DPP3: variants seen among roughly 807,000 people sequenced by gnomAD.
The protein encoded by DPP3 is DPP III.
Under a neutral mutation model 89.8 loss-of-function variants are expected in DPP3, and 64 were observed. That is an observed-to-expected ratio of 0.71 (90% confidence interval 0.58 to 0.88). The LOEUF (loss-of-function observed/expected upper bound fraction) is 0.88, where lower values mean the gene tolerates loss of function less well. Among genes scored for constraint, DPP3 ranks in the 40% least tolerant of loss-of-function variants. The pLI is 0.00. For missense variants in DPP3, 835 were observed against 972.5 expected (o/e 0.86, Z 1.88); for synonymous variants, 377 against 404.3 (o/e 0.93, Z 0.81).
chr11:66,485,912 A>ATT (rs374136044), intron 3 of DPP3, among the ~76,000 whole-genome samples: 306 of 144,474 alleles, frequency 2.1e-3, no homozygotes, highest in Non-Finnish European at 3.2e-3. Context: ...CACCAGCTAA[A>ATT]TTTTCTTTTC....
At chr11:66,499,076 C>G (rs540340963) in intron 16 of DPP3, among the ~76,000 whole-genome samples, 39 of 152,116 alleles carry the variant, frequency 2.6e-4, no homozygotes, top group Non-Finnish European at 5.6e-4. Context: ...AAGTCTTACA[C>G]TAGGTGCTGG....
intron 1 of DPP3, 140 bp downstream of exon 1, chr11:66,480,605 A>T: frequency 9.8e-7 from 1 of 1,016,908 alleles, no homozygotes; most frequent in East Asian, 3.3e-5. Context: ...CTCGAGGCCA[A>T]GGAGTGCTCC....
In DPP3 at chr11:66,487,248, T is replaced by A; in HGVS notation, c.499-20T>A. Reference sequence around the variant, plus strand: ...ACCTTGGCAACTCCTCTTTCTCATGTCCCCTGTCTTCCCCAACAGGGAATC... The same window carrying A: ...ACCTTGGCAACTCCTCTTTCTCATGACCCCTGTCTTCCCCAACAGGGAATC... On this transcript the variant is annotated intron_variant, in intron 4 of 17. Coordinates refer to ENST00000531863, the MANE Select transcript of DPP3 (RefSeq NM_130443.4). 1 of 1,613,026 alleles carries A rather than the reference T, an allele frequency of 6.2e-7. No homozygotes were observed. The highest frequency in any genetic ancestry group is 8.5e-7 in the Non-Finnish European group (1 of 1,179,072).
chr11:66,496,422 T>TAGTAGAGATGGGG lies in DPP3; in HGVS notation c.1698+672_1698+673insAGTAGAGATGGGG, dbSNP rs1855537632. Among the ~76,000 whole-genome samples the TAGTAGAGATGGGG allele has an allele frequency of 2.6e-5, 4 of 151,532 alleles. No homozygotes were observed. In the East Asian group the frequency reaches 5.8e-4, roughly 22 times the overall value. The stretch of plus-strand genomic sequence containing the variant: ...ACACCCGGCTAATTTTTTGTATTTT[T>TAGTAGAGATGGGG]TTTTTCTTTTGAGACAGAGTCTCAC... On this transcript the variant is annotated intron_variant, in intron 15 of 17. Coordinates refer to ENST00000531863, the MANE Select transcript of DPP3 (RefSeq NM_130443.4).
intron 12 of DPP3, among the ~76,000 whole-genome samples, chr11:66,493,922 C>T (rs1855463488): frequency 1.3e-5 from 2 of 152,158 alleles, no homozygotes; most frequent in African/African-American, 4.8e-5. Context: ...GACAGTTCAG[C>T]TGCTGTTCCC....
At chr11:66,508,460 T>C (rs1855857956) in intron 17 of DPP3, among the ~76,000 whole-genome samples, 1 of 152,162 alleles carries the variant, frequency 6.6e-6, no homozygotes, top group African/African-American at 2.4e-5. Context: ...AATTGTGAGC[T>C]TCAGGACACC....
chr11:66,480,563 C>A, intron 1 of DPP3, 98 bp downstream of exon 1: 1 of 1,327,518 alleles, frequency 7.5e-7, no homozygotes, highest in Non-Finnish European at 9.9e-7. Flanking sequence ...TTTCTGCCCA[C>A]TCTCCAGTAC....
intron 17 of DPP3, among the ~76,000 whole-genome samples, chr11:66,508,861 G>C (rs1350025620): frequency 6.6e-6 from 1 of 152,142 alleles, no homozygotes; most frequent in Non-Finnish European, 1.5e-5. Context: ...AACGAAAGCA[G>C]CAATGCATTT....
At chr11:66,486,767 G>T in intron 4 of DPP3, 90 bp downstream of exon 4, 1 of 1,407,896 alleles carries the variant, frequency 7.1e-7, no homozygotes, top group Non-Finnish European at 9.3e-7. Context: ...GGATGGGGAG[G>T]CAGTGGGCTC....
At chr11:66,492,578 G>T in intron 9 of DPP3, 138 bp from the exon 10 acceptor site, 3 of 1,029,464 alleles carry the variant, frequency 2.9e-6, no homozygotes, top group Non-Finnish European at 4.2e-6. Context: ...CCCAGGCCTG[G>T]GTCACTGCTA....
chr11:66,505,252 G>A (rs1239370771), intron 17 of DPP3, among the ~76,000 whole-genome samples: 1 of 152,092 alleles, frequency 6.6e-6, no homozygotes, highest in African/African-American at 2.4e-5. Flanking sequence ...CCAGAGCCTT[G>A]GCCACACGGT....
At chr11:66,495,147 G>A in intron 12 of DPP3, 59 bp from the exon 13 acceptor site, 1 of 1,611,556 alleles carries the variant, frequency 6.2e-7, no homozygotes, top group Non-Finnish European at 8.5e-7. Flanking sequence ...TGGATTCTGG[G>A]GCTGGAGGCC....
chr11:66,504,842 GTAAGAACCCATCCCAGGGCTCAA>G, intron 17 of DPP3, 68 bp downstream of exon 17: 2 of 1,478,854 alleles, frequency 1.4e-6, no homozygotes, highest in South Asian at 2.7e-5. Context: ...CTGGGAAGCA[GTAAGAACCCATCCCAGGGCTCAA>G]TAAGAACCTA....
chr11:66,493,678 A>T (rs921013323), intron 12 of DPP3, 45 bp downstream of exon 12: 1 of 1,552,162 alleles, frequency 6.4e-7, no homozygotes, highest in Non-Finnish European at 8.7e-7. Context: ...CTACAGCTCC[A>T]CTCCCCACAA....
chr11:66,484,431 C>T (rs1855168302), intron 2 of DPP3, among the ~76,000 whole-genome samples: 2 of 152,128 alleles, frequency 1.3e-5, no homozygotes, highest in South Asian at 4.1e-4. Context: ...CACTGGGATG[C>T]AGTCTTCGTC....
At chr11:66,504,106 C>G (rs1017341300) in intron 16 of DPP3, among the ~76,000 whole-genome samples, 7 of 152,058 alleles carry the variant, frequency 4.6e-5, no homozygotes, top group Non-Finnish European at 1.0e-4. Context: ...AGGCATGAAG[C>G]CTGTTTTCCT....
In DPP3 at chr11:66,480,469, A is replaced by G. The variant is rs1855041387; in HGVS notation, c.-9+4A>G. On this transcript the variant is annotated splice_donor_region_variant and intron_variant, in intron 1 of 17. Transcript: ENST00000531863. The stretch of plus-strand genomic sequence containing the variant: ...GCGAACGGAGCAGCTGCTGCAGGTG[A>G]GGCGCGGCGCCTGGGCTTTTGGGGT... The G allele has an allele frequency of 8.1e-6, 12 of 1,489,570 alleles. No homozygotes were observed. Among genetic ancestry groups the G allele is most frequent in the Non-Finnish European group, 1.1e-5 (12 of 1,126,728 alleles). The allele number at this position is 1,489,570 out of a possible 1,614,324, so 92.3% of individuals were successfully genotyped here.
chr11:66,487,071 G>C (rs1253424668), intron 4 of DPP3, among the ~76,000 whole-genome samples, 197 bp from the exon 5 acceptor site: 16 of 152,156 alleles, frequency 1.1e-4, no homozygotes. Context: ...GCCAGAGAGA[G>C]GCCTGGGCAG....
At chr11:66,492,529 C>T (rs2134732113) in intron 9 of DPP3, 187 bp from the exon 10 acceptor site, 2 of 622,966 alleles carry the variant, frequency 3.2e-6, no homozygotes, top group East Asian at 3.2e-5. Flanking sequence ...CGGGTTTGTG[C>T]AGCTGCATCT....
Sources: allele counts gnomAD v4.1 joint callset (sites outside exome capture counted in the v4.1 genomes callset), GRCh38; gene constraint gnomAD v4.1.1; transcripts MANE v1.5; gene names NCBI Gene and HGNC (gene_info 2026-07-23, HGNC 2026-07-21).